MANBA: variants seen among roughly 807,000 people sequenced by gnomAD.
The protein encoded by MANBA is beta-mannosidase.
In MANBA, 83 loss-of-function variants were observed where a neutral mutation model predicts 111.1. The observed-to-expected ratio is 0.75, with a 90% CI of 0.63 to 0.90. The LOEUF is 0.90. Ranked by LOEUF, MANBA falls within the 40% of genes least tolerant of loss-of-function variation. The pLI is 0.00. For synonymous variants in MANBA, 370 were observed against 378.7 expected (o/e 0.98, Z 0.27); for missense variants, 1,036 against 1,069.0 (o/e 0.97, Z 0.43).
chr4:102,724,951 T>C (rs529353185), intron 2 of MANBA, among the ~76,000 whole-genome samples: 9 of 152,348 alleles, frequency 5.9e-5, no homozygotes, highest in Admixed American at 4.6e-4. Context: ...AAAACATTAT[T>C]ATGCTAAGTG....
In MANBA at chr4:102,671,473, A is replaced by ATC. The variant is rs10684966; in HGVS notation, c.1113-77_1113-76dup. ...ATTGTGACAGATAAACACATTTCTA[A>ATC]TCTGTTAGAAAAACACACTCTAAAA... is the stretch of plus-strand genomic sequence containing the variant. On this transcript the variant is annotated intron_variant, in intron 8 of 16. Coordinates refer to ENST00000647097, the MANE Select transcript of MANBA (RefSeq NM_005908.4). 0.019 allele frequency: 16,286 copies of ATC among 866,676 alleles called. 1,417 individuals are homozygous for ATC. The African/African-American group carries it at 0.21, about 11-fold the overall frequency. The allele number at this position is 866,676 out of a possible 1,614,324, so 53.7% of individuals were successfully genotyped here. A position where few individuals can be genotyped will look rare whatever the true frequency, so the allele number is the denominator to read the frequency against.
At chr4:102,753,895 C>T (rs1723900970) in intron 1 of MANBA, 1 of 432,010 alleles carries the variant, frequency 2.3e-6, no homozygotes, top group Non-Finnish European at 4.6e-6. Context: ...CCAGCTTGAG[C>T]AACACGGTGA....
intron 16 of MANBA, among the ~76,000 whole-genome samples, chr4:102,632,587 A>G (rs1384764866): frequency 6.6e-6 from 1 of 152,244 alleles, no homozygotes; most frequent in Non-Finnish European, 1.5e-5. Context: ...AGTATCATCA[A>G]GAGAGCAACA....
At chr4:102,693,993 G>A (rs1469602485) in intron 5 of MANBA, among the ~76,000 whole-genome samples, 1 of 152,124 alleles carries the variant, frequency 6.6e-6, no homozygotes, top group Non-Finnish European at 1.5e-5. Flanking sequence ...TCCTACCAAC[G>A]AAGCAGGCTC....
intron 14 of MANBA, among the ~76,000 whole-genome samples, chr4:102,636,234 T>C (rs1177900260): frequency 6.6e-6 from 1 of 152,196 alleles, no homozygotes; most frequent in African/African-American, 2.4e-5. Flanking sequence ...AGGGCAGGCA[T>C]TAACGAACCA....
intron 2 of MANBA, among the ~76,000 whole-genome samples, chr4:102,725,327 C>A (rs1010260841): frequency 8.7e-4 from 132 of 152,248 alleles, no homozygotes; most frequent in African/African-American, 3.0e-3. Flanking sequence ...CCCTTATACC[C>A]TTTGCTCTTT....
intron 1 of MANBA, chr4:102,730,854 A>G: frequency 2.8e-6 from 1 of 363,524 alleles, no homozygotes; most frequent in South Asian, 2.2e-5. Context: ...CCTAGTTACC[A>G]TAAACAGCCT....
intron 1 of MANBA, chr4:102,752,341 AC>A: frequency 1.5e-6 from 2 of 1,363,760 alleles, no homozygotes; most frequent in Non-Finnish European, 2.1e-6. Flanking sequence ...AGATAGGCAT[AC>A]CAGACTGTGG....
chr4:102,676,798 G>C (rs1731747516), intron 7 of MANBA, among the ~76,000 whole-genome samples: 1 of 152,118 alleles, frequency 6.6e-6, no homozygotes, highest in Non-Finnish European at 1.5e-5. Context: ...GTTAACATTT[G>C]CACTGACGTT....
At chr4:102,649,368 C>A (rs1396101811) in intron 13 of MANBA, among the ~76,000 whole-genome samples, 1 of 152,204 alleles carries the variant, frequency 6.6e-6, no homozygotes, top group African/African-American at 2.4e-5. Context: ...TAAACTCCTA[C>A]TAACAATGTC....
At chr4:102,715,879 A>T (rs998547346) in intron 4 of MANBA, among the ~76,000 whole-genome samples, 3 of 152,204 alleles carry the variant, frequency 2.0e-5, no homozygotes, top group Non-Finnish European at 1.5e-5. Flanking sequence ...AGAGTTGTAC[A>T]TTTATTCTTC....
intron 4 of MANBA, among the ~76,000 whole-genome samples, chr4:102,716,173 G>T (rs1453186600): frequency 4.6e-5 from 7 of 152,032 alleles, no homozygotes; most frequent in African/African-American, 1.7e-4. Context: ...GTTGGGTGTG[G>T]TGGTATATGC....
chr4:102,673,774 C>T (rs542062349), intron 8 of MANBA, 145 bp downstream of exon 8: 11 of 725,158 alleles, frequency 1.5e-5, no homozygotes, highest in Middle Eastern at 2.5e-4. Context: ...AAAATCCTGT[C>T]CATTCTGAAG....
At chr4:102,692,848 T>C (rs1183913802) in intron 5 of MANBA, among the ~76,000 whole-genome samples, 2 of 151,608 alleles carry the variant, frequency 1.3e-5, no homozygotes, top group African/African-American at 2.4e-5. Context: ...TTAATAATCA[T>C]GGCTTTGCTG....
intron 1 of MANBA, chr4:102,751,541 C>T (rs1168533432): frequency 3.8e-6 from 2 of 532,748 alleles, no homozygotes; most frequent in African/African-American, 3.9e-5. Context: ...AAAATGAGTT[C>T]CACAAACATA....
At chr4:102,756,797 T>TAA (rs35787338) in intron 1 of MANBA, among the ~76,000 whole-genome samples, 1,123 of 71,914 alleles carry the variant, frequency 0.016, 48 homozygotes, top group African/African-American at 0.04. Flanking sequence ...AGAGACTATC[T>TAA]AAAAAAAAAA....
intron 11 of MANBA, among the ~76,000 whole-genome samples, chr4:102,663,294 T>C (rs56387131): frequency 0.011 from 1,715 of 152,176 alleles, 36 homozygotes; most frequent in African/African-American, 0.039. Flanking sequence ...ATTTTATAGA[T>C]GGGAAAAGGA....
At chr4:102,664,920 T>A in intron 10 of MANBA, 68 bp from the exon 11 acceptor site, 1 of 1,256,288 alleles carries the variant, frequency 8.0e-7, no homozygotes, top group Non-Finnish European at 1.2e-6. Context: ...CTATAATTAC[T>A]CATAAAATTA....
At chr4:102,689,486 C>A (rs1033183078) in intron 7 of MANBA, 88 bp downstream of exon 7, 1 of 833,578 alleles carries the variant, frequency 1.2e-6, no homozygotes, top group Non-Finnish European at 1.9e-6. Context: ...AGAGTTTTGA[C>A]GGTTTCTTCT....
Sources: allele counts gnomAD v4.1 joint callset (sites outside exome capture counted in the v4.1 genomes callset), GRCh38; gene constraint gnomAD v4.1.1; transcripts MANE v1.5; gene names NCBI Gene and HGNC (gene_info 2026-07-23, HGNC 2026-07-21).